Variants in DCDC2 observed in about 807,000 individuals in gnomAD.
The protein encoded by DCDC2 is doublecortin domain-containing protein 2.
Under a neutral mutation model 50.2 loss-of-function variants are expected in DCDC2, and 40 were observed. The ratio of observed to expected loss-of-function variants is 0.80; its 90% CI spans 0.62 to 1.04. The LOEUF (loss-of-function observed/expected upper bound fraction) is 1.04. DCDC2 is among the 50% of genes least tolerant of loss of function. The pLI is 0.00. For synonymous variants in DCDC2, 234 were observed against 210.6 expected, an observed-to-expected ratio of 1.11 and a Z score of -0.96; for missense variants, 570 against 581.9, an observed-to-expected ratio of 0.98 and a Z score of 0.21.
Position 24,295,832 on chromosome 6 carries a change from A to C in DCDC2, c.558-4754T>G, listed in dbSNP as rs184931379. On this transcript the variant is annotated intron_variant, in intron 4 of 9. Transcript: ENST00000378454. Reference sequence around the variant, plus strand: ...TAAAGAAATCAGAGATGACACAAACAAACAGGAAAAAACAGCCCATGGTCA... The same window carrying C: ...TAAAGAAATCAGAGATGACACAAACCAACAGGAAAAAACAGCCCATGGTCA... 1.1e-3 allele frequency among the ~76,000 whole-genome samples: 163 copies of C among 152,330 alleles called. 1 individual carries two copies. The highest frequency in any genetic ancestry group is 0.01 in the Middle Eastern group (3 of 294).
chr6:24,225,649 C>T (rs901218446), intron 7 of DCDC2, among the ~76,000 whole-genome samples: 1 of 151,946 alleles, frequency 6.6e-6, no homozygotes, highest in African/African-American at 2.4e-5. Flanking sequence ...GTCAGCAAGC[C>T]TATGATTTAC....
upstream of DCDC2, among the ~76,000 whole-genome samples, chr6:24,359,430 T>TTATATATTATATAATATATATAAA (rs1433784855): frequency 6.4e-5 from 2 of 31,468 alleles, no homozygotes; most frequent in African/African-American, 3.5e-4. Context: ...TATATATATT[T>TTATATATTATATAATATATATAAA]ATATATACTA....
chr6:24,248,465 G>T (rs1205110934), intron 7 of DCDC2, among the ~76,000 whole-genome samples: 1 of 152,146 alleles, frequency 6.6e-6, no homozygotes, highest in Non-Finnish European at 1.5e-5. Flanking sequence ...TCAATATACT[G>T]CCTGGCACAC....
intron 4 of DCDC2, among the ~76,000 whole-genome samples, chr6:24,297,985 T>G (rs545391583): frequency 6.6e-6 from 1 of 152,284 alleles, no homozygotes; most frequent in South Asian, 2.1e-4. Context: ...AAAGGCCAAT[T>G]TCCCCAATAT....
At chr6:24,232,456 T>C (rs533337617) in intron 7 of DCDC2, among the ~76,000 whole-genome samples, 17 of 152,316 alleles carry the variant, frequency 1.1e-4, no homozygotes, top group South Asian at 8.3e-4. Context: ...AACTCACCAA[T>C]ACTAAAGTGT....
At chr6:24,235,014 A>G (rs1278266373) in intron 7 of DCDC2, among the ~76,000 whole-genome samples, 1 of 152,254 alleles carries the variant, frequency 6.6e-6, no homozygotes, top group African/African-American at 2.4e-5. Context: ...AATTCAATTT[A>G]ATAGGATAAC....
intron 7 of DCDC2, among the ~76,000 whole-genome samples, chr6:24,254,656 C>A (rs1211487768): frequency 6.6e-6 from 1 of 152,056 alleles, no homozygotes; most frequent in Non-Finnish European, 1.5e-5. Context: ...GCATTCAGTG[C>A]ACTCCTCAAC....
chr6:24,188,477 G>A (rs575034596), intron 8 of DCDC2, among the ~76,000 whole-genome samples: 1 of 152,240 alleles, frequency 6.6e-6, no homozygotes, highest in African/African-American at 2.4e-5. Context: ...CCATGCCACT[G>A]TTTAAGAGTC....
chr6:24,220,889 AGT>A (rs1413798891), intron 7 of DCDC2, among the ~76,000 whole-genome samples: 1 of 142,346 alleles, frequency 7.0e-6, no homozygotes, highest in East Asian at 1.9e-4. Flanking sequence ...AGAGCGAGAG[AGT>A]GAGCGAGCGA....
intron 2 of DCDC2, among the ~76,000 whole-genome samples, chr6:24,333,822 A>C (rs896873320): frequency 3.9e-5 from 6 of 152,218 alleles, no homozygotes; most frequent in Non-Finnish European, 7.3e-5. Context: ...AAATCAGGCA[A>C]GGTGTACAGT....
intron 1 of DCDC2, 81 bp from the exon 2 acceptor site, chr6:24,353,704 A>C (rs1269489517): frequency 3.4e-6 from 3 of 882,946 alleles, no homozygotes; most frequent in Non-Finnish European, 5.0e-6. Flanking sequence ...TCATAAAAAA[A>C]TAAAGCAACT....
intron 7 of DCDC2, among the ~76,000 whole-genome samples, chr6:24,274,627 A>G (rs865863967): frequency 0.017 from 2,081 of 123,298 alleles, 29 homozygotes; most frequent in African/African-American, 0.045. Flanking sequence ...AAAAAAAAAA[A>G]AAGAAGAAAA....
In DCDC2 at chr6:24,333,703, A is replaced by G. The variant is rs145761566; in HGVS notation, c.348+19866T>C. Among the ~76,000 whole-genome samples, 332 of 152,312 alleles carry G rather than the reference A, an allele frequency of 2.2e-3. 2 individuals carry two copies. Among genetic ancestry groups the G allele is most frequent in the African/African-American group, 7.3e-3 (302 of 41,584 alleles). On this transcript the variant is annotated intron_variant, in intron 2 of 9. Transcript: ENST00000378454. ...AAGTCACTGATGAGTTTTAAACTCA[A>G]TGGTAACAGGATCAGATTAGTGTTT... is the stretch of plus-strand genomic sequence containing the variant.
chr6:24,277,604 T>C (rs754501838), intron 7 of DCDC2, among the ~76,000 whole-genome samples: 3 of 152,186 alleles, frequency 2.0e-5, no homozygotes, highest in Non-Finnish European at 4.4e-5. Context: ...ACTGATAAAA[T>C]GTTATGTCTA....
chr6:24,255,515 C>T (rs1420795269), intron 7 of DCDC2, among the ~76,000 whole-genome samples: 1 of 151,974 alleles, frequency 6.6e-6, no homozygotes, highest in African/African-American at 2.4e-5. Context: ...TGACAAGCCA[C>T]AGAATGGAAA....
intron 2 of DCDC2, among the ~76,000 whole-genome samples, chr6:24,309,703 G>A (rs977994682): frequency 1.3e-5 from 2 of 152,112 alleles, no homozygotes; most frequent in African/African-American, 4.8e-5. Context: ...TGATAAACTC[G>A]ATTCTAATCA....
chr6:24,197,423 T>A lies in DCDC2; in HGVS notation c.1023+7579A>T, dbSNP rs1226437473. ...TGACATTTTGACTTTGGAATATAAA[T>A]TAGTCTTGGTTTCTGCAGCTATCAG... is the stretch of plus-strand genomic sequence containing the variant. On this transcript the variant is annotated intron_variant, in intron 8 of 9. Transcript: ENST00000378454. 2.6e-5 allele frequency among the ~76,000 whole-genome samples: 4 copies of A among 152,368 alleles called. No individual in the cohort carries two copies. In the East Asian group the frequency reaches 7.7e-4, roughly 29 times the overall value.
chr6:24,318,454 G>A (rs9460989), intron 2 of DCDC2, among the ~76,000 whole-genome samples: 5,966 of 152,012 alleles, frequency 0.039, 240 homozygotes, highest in African/African-American at 0.1. Flanking sequence ...TTATTACACG[G>A]ATATATTGCA....
intron 7 of DCDC2, among the ~76,000 whole-genome samples, chr6:24,275,621 A>G (rs1327986903): frequency 1.3e-5 from 2 of 152,220 alleles, no homozygotes; most frequent in Non-Finnish European, 2.9e-5. Context: ...CCAGCAATTT[A>G]AAACCTATAA....
Sources: allele counts gnomAD v4.1 joint callset (sites outside exome capture counted in the v4.1 genomes callset), GRCh38; gene constraint gnomAD v4.1.1; transcripts MANE v1.5; gene names NCBI Gene and HGNC (gene_info 2026-07-23, HGNC 2026-07-21).